Variants in YES1 observed in about 807,000 individuals in gnomAD.
The protein encoded by YES1 is YES proto-oncogene 1, Src family tyrosine kinase, also known as tyrosine-protein kinase Yes.
YES1 carries 39 observed loss-of-function variants against 70.4 expected under a neutral mutation model. That is an observed-to-expected ratio of 0.55 (90% confidence interval 0.43 to 0.72). The LOEUF (loss-of-function observed/expected upper bound fraction) is 0.72. YES1 is among the 30% of genes least tolerant of loss of function. The probability of loss-of-function intolerance (pLI) is 0.00; values close to 1 mark genes in which losing one functional copy is unlikely to be tolerated. For missense variants in YES1, 495 were observed against 644.8 expected (o/e 0.77, Z 2.52); for synonymous variants, 198 against 218.6 (o/e 0.91, Z 0.83).
At chr18:783,748 T>C (rs1905798624) in intron 1 of YES1, among the ~76,000 whole-genome samples, 1 of 152,060 alleles carries the variant, frequency 6.6e-6, no homozygotes, top group Admixed American at 6.6e-5. Flanking sequence ...CCCAAGTAGC[T>C]GGGATTACAG....
intron 1 of YES1, among the ~76,000 whole-genome samples, chr18:802,174 A>C (rs905805839): frequency 6.6e-6 from 1 of 152,226 alleles, no homozygotes; most frequent in Non-Finnish European, 1.5e-5. Flanking sequence ...ACTTGTGCCG[A>C]GGAGTTCGAG....
At chr18:765,573 T>C (rs1239896575) in intron 1 of YES1, among the ~76,000 whole-genome samples, 1 of 151,730 alleles carries the variant, frequency 6.6e-6, no homozygotes, top group Non-Finnish European at 1.5e-5. Context: ...TAATTTTTTG[T>C]ATTTTTAGTA....
intron 1 of YES1, among the ~76,000 whole-genome samples, chr18:802,544 C>CAAA (rs200573604): frequency 2.4e-5 from 2 of 83,174 alleles, no homozygotes; most frequent in Non-Finnish European, 5.3e-5. Flanking sequence ...AACTCCATCT[C>CAAA]AAAAAAAAAA....
rs763427480 is a variant in YES1, at chr18:743,293, G to C, written c.847C>G (p.Leu283Val). 1 of 1,612,168 alleles carries C rather than the reference G, an allele frequency of 6.2e-7. No individual in the cohort carries two copies. The highest frequency in any genetic ancestry group is 2.2e-5 in the East Asian group (1 of 44,876). The change falls in exon 7 of 12, where the codon CTA becomes GTA. Residue 283 changes from leucine (L) to valine (V), a missense_variant. Physicochemically the swap from Leu to Val is conservative, Grantham distance 32. Around this residue, in one of 2 missense-constraint regions of YES1, gnomAD observed 385 missense variants for 540.9 expected, o/e 0.71. Coordinates refer to ENST00000314574, the MANE Select transcript of YES1 (RefSeq NM_005433.4). Reference protein sequence around the residue: ...PRESLRLEVKLGQGCFGEVWM... With the variant: ...PRESLRLEVKVGQGCFGEVWM... ...ACTTCGCCGAAACATCCTTGTCCTA[G>C]TTTAACCTCTAGTCGCAAAGATTCT...
At chr18:757,313 C>T (rs9946749) in intron 1 of YES1, among the ~76,000 whole-genome samples, 27 of 151,622 alleles carry the variant, frequency 1.8e-4, no homozygotes, top group Non-Finnish European at 3.4e-4. Context: ...ACCATCCTGG[C>T]TAACACGGTG....
intron 1 of YES1, among the ~76,000 whole-genome samples, chr18:804,986 T>C (rs1352118996): frequency 6.6e-6 from 1 of 152,036 alleles, no homozygotes; most frequent in African/African-American, 2.4e-5. Flanking sequence ...AACTGCAATT[T>C]GCTTGAGAAA....
intron 10 of YES1, among the ~76,000 whole-genome samples, chr18:733,875 T>G (rs2080120743): frequency 6.6e-6 from 1 of 152,118 alleles, no homozygotes; most frequent in East Asian, 1.9e-4. Context: ...TTACATTCTT[T>G]AAGTTATTTA....
chr18:812,373 G>A (rs1309719947), upstream of YES1: 2 of 151,724 alleles, frequency 1.3e-5, no homozygotes, highest in Non-Finnish European at 2.9e-5. Context: ...GGGGGCGGGG[G>A]CTGCGGGTAC....
intron 1 of YES1, among the ~76,000 whole-genome samples, chr18:761,327 A>T (rs752306568): frequency 2.6e-5 from 4 of 152,200 alleles, no homozygotes; most frequent in African/African-American, 4.8e-5. Flanking sequence ...CAAAGTCTAA[A>T]TATCAAGAAA....
intron 8 of YES1, among the ~76,000 whole-genome samples, chr18:742,634 TACAA>T (rs1040170287): frequency 1.8e-4 from 27 of 152,354 alleles, no homozygotes; most frequent in Admixed American, 5.2e-4. Flanking sequence ...ATTAAATGTG[TACAA>T]ACACTTTCTA....
At chr18:766,300 C>T (rs1023728129) in intron 1 of YES1, among the ~76,000 whole-genome samples, 4 of 152,074 alleles carry the variant, frequency 2.6e-5, no homozygotes, top group Admixed American at 2.6e-4. Context: ...GAATACAAGA[C>T]AGAAATATTC....
intron 4 of YES1, among the ~76,000 whole-genome samples, chr18:747,063 C>CA (rs1274487048): frequency 2.0e-5 from 3 of 152,170 alleles, no homozygotes; most frequent in African/African-American, 7.2e-5. Context: ...AAGACATTAA[C>CA]AGTCATATAA....
chr18:812,473 G>A (rs991782871), upstream of YES1: 2 of 152,128 alleles, frequency 1.3e-5, no homozygotes, highest in African/African-American at 4.8e-5. Context: ...GCCCCCGTCA[G>A]GTCCCCTCCG....
chr18:730,194 T>C (rs976891391), intron 11 of YES1, among the ~76,000 whole-genome samples: 2 of 152,052 alleles, frequency 1.3e-5, no homozygotes, highest in Non-Finnish European at 2.9e-5. Context: ...CCAACATCTA[T>C]CCAGTTTGGC....
Position 724,390 on chromosome 18 carries a change from G to C in YES1, c.*34C>G. 1.9e-6 allele frequency: 3 copies of C among 1,552,232 alleles called. No individual in the cohort carries two copies. The highest frequency in any genetic ancestry group is 2.7e-6 in the Non-Finnish European group (3 of 1,130,350). ...AATCTACACAAGTTCTTTATATTTT[G>C]GCAGATTTGTGCATATAAAATAGGC... is the stretch of plus-strand genomic sequence containing the variant. On this transcript the variant is annotated 3_prime_UTR_variant, in exon 12 of 12. Coordinates refer to ENST00000314574, the MANE Select transcript of YES1 (RefSeq NM_005433.4).
intron 2 of YES1, among the ~76,000 whole-genome samples, chr18:754,701 G>C: frequency 8.0e-6 from 1 of 124,492 alleles, no homozygotes; most frequent in African/African-American, 3.2e-5. Flanking sequence ...GACAGAGAGA[G>C]ACTCCAACTC....
At chr18:727,309 A>T (rs1160009874) in intron 11 of YES1, among the ~76,000 whole-genome samples, 1 of 152,188 alleles carries the variant, frequency 6.6e-6, no homozygotes, top group Non-Finnish European at 1.5e-5. Flanking sequence ...TTTGCAGAGT[A>T]TAACTTTTCC....
intron 1 of YES1, among the ~76,000 whole-genome samples, chr18:776,472 T>C (rs893535579): frequency 1.3e-5 from 2 of 152,156 alleles, no homozygotes; most frequent in Non-Finnish European, 2.9e-5. Context: ...TTACCGGACA[T>C]TATCTTTTGT....
In YES1 at chr18:804,609, C is replaced by CAA. The variant is rs57896154; in HGVS notation, c.-9+7503_-9+7504dup. ...TGGGCAATAGAGTGAGACTGAGTCT[C>CAA]AAAAAAAAAAAAAAAAAAAAAGGCC... On this transcript the variant is annotated intron_variant, in intron 1 of 11. Transcript: ENST00000314574. Among the ~76,000 whole-genome samples the CAA allele has an allele frequency of 7.1e-3, 273 of 38,614 alleles. 6 individuals carry two copies. Among genetic ancestry groups the CAA allele is most frequent in the East Asian group, 0.029 (39 of 1,340 alleles). 25.3% of individuals were successfully genotyped at this position (38,614 alleles called of 152,430 possible). A position where few individuals can be genotyped will look rare whatever the true frequency, so the allele number is the denominator to read the frequency against.
Sources: gnomAD v4.1 joint callset for allele counts (sites outside exome capture counted in the v4.1 genomes callset) on GRCh38, gnomAD v4.1.1 for gene constraint, gnomAD v4.1.1 regional missense constraint, MANE v1.5 for transcripts, NCBI Gene and HGNC (gene_info 2026-07-23, HGNC 2026-07-21) for gene names.